MYO16: variants seen among roughly 807,000 people sequenced by gnomAD.
MYO16 encodes unconventional myosin-XVI.
MYO16 carries 94 observed loss-of-function variants against 205.3 expected under a neutral mutation model. That is an observed-to-expected ratio of 0.46 (90% CI 0.39 to 0.54). The LOEUF (loss-of-function observed/expected upper bound fraction) is 0.54, where lower values mean the gene tolerates loss of function less well. Among genes scored for constraint, MYO16 ranks in the 20% least tolerant of loss-of-function variants. The pLI is 0.00. For synonymous variants in MYO16, 988 were observed against 954.0 expected, an observed-to-expected ratio of 1.04 and a Z score of -0.66; for missense variants, 2,315 against 2,387.5, an observed-to-expected ratio of 0.97 and a Z score of 0.63.
chr13:108,643,894 A>G (rs535307768), intron 1 of MYO16, among the ~76,000 whole-genome samples: 3 of 152,360 alleles, frequency 2.0e-5, no homozygotes, highest in South Asian at 4.1e-4. Flanking sequence ...GGAGGATTTC[A>G]CTAGCAGAAA....
intron 13 of MYO16, among the ~76,000 whole-genome samples, chr13:108,885,974 T>C: frequency 6.6e-6 from 1 of 152,012 alleles, no homozygotes; most frequent in Non-Finnish European, 1.5e-5. Context: ...GCAGAACTAG[T>C]TTTGCTTTGG....
At chr13:109,058,220 G>T (rs890883152) in intron 27 of MYO16, among the ~76,000 whole-genome samples, 3 of 152,038 alleles carry the variant, frequency 2.0e-5, no homozygotes, top group African/African-American at 4.8e-5. Context: ...GTTTTGTTTT[G>T]CTTCCCCCCA....
chr13:108,937,816 A>G (rs1882557667), intron 16 of MYO16, among the ~76,000 whole-genome samples: 1 of 152,034 alleles, frequency 6.6e-6, no homozygotes, highest in African/African-American at 2.4e-5. Context: ...GTTGATTTTC[A>G]ACCTTGTCTT....
intron 10 of MYO16, 61 bp downstream of exon 10, chr13:108,844,554 A>C: frequency 6.9e-7 from 1 of 1,454,580 alleles, no homozygotes; most frequent in Non-Finnish European, 9.2e-7. Context: ...TGTATTATAA[A>C]ATCCAACATA....
chr13:108,986,033 G>T (rs181218520), intron 20 of MYO16, among the ~76,000 whole-genome samples: 13 of 152,248 alleles, frequency 8.5e-5, no homozygotes, highest in South Asian at 2.1e-4. Flanking sequence ...AGGAGCAGAG[G>T]CACATCTTAC....
chr13:109,161,647 G>A (rs1051614682), intron 32 of MYO16, among the ~76,000 whole-genome samples: 9 of 152,060 alleles, frequency 5.9e-5, no homozygotes, highest in Admixed American at 1.3e-4. Flanking sequence ...GTTAAGAAGG[G>A]CCTTTTCCCT....
intron 20 of MYO16, among the ~76,000 whole-genome samples, chr13:108,968,229 A>C (rs550795942): frequency 6.6e-6 from 1 of 152,234 alleles, no homozygotes; most frequent in African/African-American, 2.4e-5. Context: ...AACTTTGCTC[A>C]GTGCTATCAT....
intron 23 of MYO16, among the ~76,000 whole-genome samples, chr13:109,033,430 C>T (rs1886607794): frequency 6.6e-6 from 1 of 152,170 alleles, no homozygotes; most frequent in South Asian, 2.1e-4. Flanking sequence ...TTCAAGAGCT[C>T]CATTATCTTT....
intron 2 of MYO16, among the ~76,000 whole-genome samples, chr13:108,684,547 T>C (rs537369832): frequency 3.9e-5 from 6 of 152,318 alleles, no homozygotes; most frequent in Admixed American, 6.5e-5. Flanking sequence ...ACAGAGTTCC[T>C]ATCTGAGGCA....
intron 11 of MYO16, among the ~76,000 whole-genome samples, chr13:108,857,558 A>G (rs774219366): frequency 9.2e-5 from 14 of 152,218 alleles, no homozygotes; most frequent in Non-Finnish European, 1.9e-4. Context: ...TTGTCAGGCT[A>G]CAACTTTCCT....
chr13:109,154,911 G>GAAAAAAAAAAAAAAAAAAAA (rs59465499), intron 32 of MYO16, among the ~76,000 whole-genome samples: 3 of 62,664 alleles, frequency 4.8e-5, no homozygotes, highest in African/African-American at 6.2e-5. Context: ...GGCTAATTAT[G>GAAAAAAAAAAAAAAAAAAAA]AAAAAAAAAA....
At position 108,727,448 on chromosome 13, in the gene MYO16, G is replaced by T. The variant is rs368996945; in HGVS notation, c.372G>T (p.Arg124=). 1.2e-5 allele frequency: 20 copies of T among 1,613,424 alleles called. No individual in the cohort carries two copies. Among genetic ancestry groups the T allele is most frequent in the Non-Finnish European group, 1.7e-5 (20 of 1,179,646 alleles). ...SGGSLLHLCA[R]YDNAFIAEIL... The stretch of plus-strand genomic sequence containing the variant: ...TGTATTCTTTCTTTTAGTGTGCTCG[G>T]TATGATAATGCCTTCATTGCAGAAA... Residue 124 remains arginine, a synonymous_variant, in exon 4 of 35, where the codon CGG becomes CGT. Coordinates refer to ENST00000457511, the MANE Select transcript of MYO16 (RefSeq NM_001198950.3).
chr13:108,945,895 C>G (rs1290034730), intron 16 of MYO16, among the ~76,000 whole-genome samples: 1 of 152,046 alleles, frequency 6.6e-6, no homozygotes, highest in Admixed American at 6.6e-5. Context: ...ATCTTTAAAG[C>G]TGGAGGTGCT....
chr13:108,804,816 C>G (rs1284779365), intron 6 of MYO16, among the ~76,000 whole-genome samples: 2 of 152,160 alleles, frequency 1.3e-5, no homozygotes, highest in Non-Finnish European at 2.9e-5. Flanking sequence ...GATAGAGTCT[C>G]TAGTGAGTGA....
At chr13:108,869,282 A>C (rs1878890896) in intron 12 of MYO16, among the ~76,000 whole-genome samples, 1 of 152,122 alleles carries the variant, frequency 6.6e-6, no homozygotes, top group South Asian at 2.1e-4. Flanking sequence ...AAAATGTGAA[A>C]TTCCTCTCAG....
At chr13:108,497,030 C>A in the MYO16 span, among the ~76,000 whole-genome samples, 4 of 152,136 alleles carry the variant, frequency 2.6e-5, no homozygotes, top group African/African-American at 7.2e-5. Flanking sequence ...TTACAACACG[C>A]GTTTGTCATG....
intron 20 of MYO16, among the ~76,000 whole-genome samples, chr13:108,980,617 C>T (rs9514950): frequency 7.2e-5 from 11 of 152,214 alleles, no homozygotes; most frequent in Admixed American, 5.2e-4. Flanking sequence ...TTGCCTTTTT[C>T]GAATGTAATT....
At chr13:108,895,264 T>C (rs1880359893) in intron 14 of MYO16, among the ~76,000 whole-genome samples, 1 of 152,086 alleles carries the variant, frequency 6.6e-6, no homozygotes, top group South Asian at 2.1e-4. Flanking sequence ...ATATATATAT[T>C]TAATTTTCTT....
In MYO16 at chr13:109,140,695, G is replaced by A; in HGVS notation, c.4483G>A (p.Gly1495Arg). 6.7e-7 allele frequency: 1 copy of A among 1,482,980 alleles called. No individual in the cohort carries two copies. Among genetic ancestry groups the A allele is most frequent in the South Asian group, 1.3e-5 (1 of 74,278 alleles). The allele number at this position is 1,482,980 out of a possible 1,614,324, so 91.9% of individuals were successfully genotyped here. A position where few individuals can be genotyped will look rare whatever the true frequency, so the allele number is the denominator to read the frequency against. Residue 1495 changes from glycine to arginine, a missense_variant, in exon 32 of 35, where the codon GGG (glycine) becomes AGG (arginine). By Grantham distance (125) the Gly-to-Arg change is moderately radical (BLOSUM62 -2). Around this residue, in one of 3 missense-constraint regions of MYO16, gnomAD observed 1,097 missense variants for 1,092.0 expected, o/e 1.00. Coordinates refer to ENST00000457511, the MANE Select transcript of MYO16 (RefSeq NM_001198950.3). The surrounding 1 kb of genome is among the most constrained non-coding windows in gnomAD (Gnocchi z 8.0). ...GGAGGACGAGGCGGCGGGGCCCCCAGGGGACGCGTGCGACATCCCGCCGCC... is the reference window on the plus strand; with the variant it reads ...GGAGGACGAGGCGGCGGGGCCCCCAAGGGACGCGTGCGACATCCCGCCGCC... ...APEDEAAGPP[G>R]DACDIPPPFP...
Sources: allele counts gnomAD v4.1 joint callset (sites outside exome capture counted in the v4.1 genomes callset), GRCh38; gene constraint gnomAD v4.1.1; regional missense constraint gnomAD v4.1.1; non-coding constraint Gnocchi (gnomAD v3.1); transcripts MANE v1.5; gene names NCBI Gene and HGNC (gene_info 2026-07-23, HGNC 2026-07-21).